The following SLC48A1 variants were observed in gnomAD, a reference collection of about 807,000 sequenced individuals.
SLC48A1 encodes the protein heme transporter HRG1.
Under a neutral mutation model 14.8 loss-of-function variants are expected in SLC48A1, and 6 were observed. The ratio of observed to expected loss-of-function variants is 0.41; its 90% confidence interval spans 0.22 to 0.80. The LOEUF is 0.80. SLC48A1 is among the 30% of genes least tolerant of loss of function. The pLI is 0.34. For synonymous variants in SLC48A1, 89 were observed against 90.0 expected (o/e 0.99, Z 0.06); for missense variants, 165 against 204.8 (o/e 0.81, Z 1.19).
intron 2 of SLC48A1, among the ~76,000 whole-genome samples, chr12:47,761,057 C>T (rs932503242): frequency 6.6e-5 from 10 of 152,002 alleles, no homozygotes; most frequent in African/African-American, 1.5e-4. Flanking sequence ...ATTAGCCAGG[C>T]GTGGTGGCGT....
rs1392302590 is a variant in SLC48A1, at chr12:47,779,323, G to A, written c.304+128G>A. 3.8e-6 allele frequency: 5 copies of A among 1,310,160 alleles called. No homozygotes were observed. In the African/African-American group the frequency reaches 4.5e-5, roughly 12 times the overall value. 81.2% of individuals were successfully genotyped at this position (1,310,160 alleles called of 1,614,324 possible). ...TGAATTACTTAACCTCCCCGGACAC[G>A]GGTTTTGTTATGGTTCATGTGGAGA... On this transcript the variant is annotated intron_variant, in intron 2 of 2. Coordinates refer to ENST00000442218, the MANE Select transcript of SLC48A1 (RefSeq NM_017842.3).
upstream of SLC48A1, among the ~76,000 whole-genome samples, chr12:47,769,860 TTAAA>T (rs1231911904): frequency 6.6e-6 from 1 of 152,158 alleles, no homozygotes; most frequent in Non-Finnish European, 1.5e-5. Context: ...TTAATTTAAA[TTAAA>T]TACACTAAAC....
At chr12:47,763,552 T>C (rs1305662684) in intron 2 of SLC48A1, among the ~76,000 whole-genome samples, 5 of 152,094 alleles carry the variant, frequency 3.3e-5, no homozygotes, top group Admixed American at 3.3e-4. Flanking sequence ...TGGCTCTGCA[T>C]GGTTTAAGGC....
At chr12:47,776,499 A>C (rs1055489658) in intron 1 of SLC48A1, among the ~76,000 whole-genome samples, 1 of 152,138 alleles carries the variant, frequency 6.6e-6, no homozygotes, top group Non-Finnish European at 1.5e-5. Flanking sequence ...CATCTCCTTC[A>C]GTGACCCCCT....
chr12:47,758,925 C>G, intron 1 of SLC48A1: 1 of 1,044,474 alleles, frequency 9.6e-7, no homozygotes, highest in South Asian at 4.3e-5. Context: ...GCGCTGCCCG[C>G]CCCCTTCCCC....
At chr12:47,776,391 A>T (rs1026940700) in intron 1 of SLC48A1, among the ~76,000 whole-genome samples, 3 of 152,176 alleles carry the variant, frequency 2.0e-5, no homozygotes, top group African/African-American at 7.2e-5. Flanking sequence ...GAGTTTTATA[A>T]ACCAGGCTTC....
intron 1 of SLC48A1, chr12:47,758,767 G>C (rs964751006): frequency 8.1e-7 from 1 of 1,241,634 alleles, no homozygotes; most frequent in African/African-American, 1.5e-5. Flanking sequence ...GTAGAGGGGT[G>C]GGGGCGTGGT....
chr12:47,763,365 G>C (rs946180005), intron 2 of SLC48A1, among the ~76,000 whole-genome samples: 3 of 152,184 alleles, frequency 2.0e-5, no homozygotes, highest in African/African-American at 7.2e-5. Flanking sequence ...GCAGCAAATG[G>C]CCAGCTTGGA....
chr12:47,759,414 T>A (rs1942297275), intron 1 of SLC48A1, among the ~76,000 whole-genome samples: 1 of 118,332 alleles, frequency 8.5e-6, no homozygotes, highest in Admixed American at 7.9e-5. Flanking sequence ...CACTGCCCCC[T>A]GCCCCAGCAC....
At chr12:47,768,279 G>T (rs1047997969), upstream of SLC48A1, among the ~76,000 whole-genome samples, 2 of 152,102 alleles carry the variant, frequency 1.3e-5, no homozygotes, top group Non-Finnish European at 2.9e-5. Flanking sequence ...ACCCGGCCAT[G>T]GCTATTATTT....
At chr12:47,774,587 A>G (rs1942700432) in intron 1 of SLC48A1, among the ~76,000 whole-genome samples, 1 of 152,156 alleles carries the variant, frequency 6.6e-6, no homozygotes, top group Non-Finnish European at 1.5e-5. Flanking sequence ...ATAACTAAAA[A>G]TAACTAATTT....
At chr12:47,772,333 G>A (rs1289599014), upstream of SLC48A1, 1 of 154,730 alleles carries the variant, frequency 6.5e-6, no homozygotes, top group Non-Finnish European at 1.5e-5. Context: ...ATGATCCCGA[G>A]GGTCAGGGTG....
At chr12:47,770,412 TTC>T (rs1942605160), upstream of SLC48A1, among the ~76,000 whole-genome samples, 1 of 152,258 alleles carries the variant, frequency 6.6e-6, no homozygotes, top group East Asian at 1.9e-4. Flanking sequence ...GTCTCTTCCA[TTC>T]TCTCTGCTTC....
At chr12:47,758,936 T>G in intron 1 of SLC48A1, 7 of 1,024,052 alleles carry the variant, frequency 6.8e-6, no homozygotes, top group Non-Finnish European at 7.0e-6. Flanking sequence ...CCCCTTCCCC[T>G]CCCCAGGACT....
chr12:47,760,919 G>C (rs960813168), intron 2 of SLC48A1, among the ~76,000 whole-genome samples: 1 of 152,164 alleles, frequency 6.6e-6, no homozygotes, highest in Non-Finnish European at 1.5e-5. Context: ...AATTGAGGCC[G>C]GGTGCGATGG....
rs1942838235 is a variant in SLC48A1 at position 47,780,273 on chromosome 12, G to A, written c.433G>A (p.Asp145Asn). The A allele has an allele frequency of 3.7e-6, 6 of 1,614,228 alleles. No homozygotes were observed. Among genetic ancestry groups the A allele is most frequent in the South Asian group, 2.2e-5 (2 of 91,090 alleles). The stretch of plus-strand genomic sequence containing the variant: ...CTTTGCTGACATCAGCATCCTCAGC[G>A]ATTTCTGACCCAGGGGGTGAGGTCT... ...ADFADISILSDF is the reference protein window; with the variant it reads ...ADFADISILSNF The change falls in exon 3 of 3, where the codon GAT (aspartate) becomes AAT (asparagine). Residue 145 changes from aspartate to asparagine, a missense_variant. Transcript: ENST00000442218.
chr12:47,772,310 T>G (rs1483938511), upstream of SLC48A1: 1 of 154,688 alleles, frequency 6.5e-6, no homozygotes, highest in Non-Finnish European at 1.5e-5. Context: ...ATCTGTCTCT[T>G]CCTTACAATG....
intron 2 of SLC48A1, 124 bp downstream of exon 2, chr12:47,779,319 ACACG>A (rs1321027724): frequency 3.0e-6 from 4 of 1,325,442 alleles, no homozygotes; most frequent in Non-Finnish European, 4.0e-6. Flanking sequence ...ACCTCCCCGG[ACACG>A]GGTTTTGTTA....
At chr12:47,754,500 G>C (rs553926929), upstream of SLC48A1, among the ~76,000 whole-genome samples, 1 of 152,192 alleles carries the variant, frequency 6.6e-6, no homozygotes, top group Non-Finnish European at 1.5e-5. Flanking sequence ...TAGCTTTTGC[G>C]TTACCATCTG....
Sources: allele counts gnomAD v4.1 joint callset (sites outside exome capture counted in the v4.1 genomes callset), GRCh38; gene constraint gnomAD v4.1.1; transcripts MANE v1.5; gene names NCBI Gene and HGNC (gene_info 2026-07-23, HGNC 2026-07-21).